ACTR3C: variants seen among roughly 807,000 people sequenced by gnomAD.
ACTR3C encodes the protein actin related protein 3C, also known as actin-related protein 3C.
A neutral mutation model predicts 26.3 loss-of-function variants in ACTR3C; 18 were observed. That is an observed-to-expected ratio of 0.68 (90% CI 0.47 to 1.01). The LOEUF (loss-of-function observed/expected upper bound fraction) is 1.01, where lower values mean the gene tolerates loss of function less well. Ranked by LOEUF, ACTR3C falls within the 50% of genes least tolerant of loss-of-function variation. The probability of loss-of-function intolerance (pLI) is 0.00; values close to 1 mark genes in which losing one functional copy is unlikely to be tolerated. For synonymous variants in ACTR3C, 55 were observed against 94.5 expected, an observed-to-expected ratio of 0.58 and a Z score of 2.42; for missense variants, 184 against 250.7, an observed-to-expected ratio of 0.73 and a Z score of 1.80.
the ACTR3C span, among the ~76,000 whole-genome samples, chr7:150,053,594 T>C: frequency 6.6e-6 from 1 of 152,228 alleles, no homozygotes; most frequent in Non-Finnish European, 1.5e-5. Flanking sequence ...TCTGGGGACA[T>C]TGGCATCAGC....
At chr7:150,158,825 T>G in the ACTR3C span, among the ~76,000 whole-genome samples, 6 of 146,912 alleles carry the variant, frequency 4.1e-5, no homozygotes, top group East Asian at 2.0e-4. Flanking sequence ...GGCACACACA[T>G]GCACACACAG....
the ACTR3C span, among the ~76,000 whole-genome samples, chr7:150,097,450 C>T: frequency 7.2e-5 from 11 of 151,748 alleles, no homozygotes; most frequent in South Asian, 2.1e-4. Flanking sequence ...TAGACTGCTT[C>T]GTAAGGAGTT....
the ACTR3C span, among the ~76,000 whole-genome samples, chr7:149,911,084 C>T: frequency 6.6e-6 from 1 of 152,134 alleles, no homozygotes; most frequent in African/African-American, 2.4e-5. Flanking sequence ...GTTCCACCTA[C>T]AAGGTAGAAT....
At chr7:149,996,109 G>A in the ACTR3C span, among the ~76,000 whole-genome samples, 1 of 152,232 alleles carries the variant, frequency 6.6e-6, no homozygotes, top group East Asian at 1.9e-4. Flanking sequence ...GGACCAGACA[G>A]AGAAAGATCA....
the ACTR3C span, among the ~76,000 whole-genome samples, chr7:150,044,469 C>G: frequency 6.6e-6 from 1 of 152,102 alleles, no homozygotes. Flanking sequence ...ATTTTGAAGT[C>G]AGACTTTGCA....
the ACTR3C span, among the ~76,000 whole-genome samples, chr7:149,904,814 T>A: frequency 1.3e-5 from 2 of 151,556 alleles, no homozygotes; most frequent in African/African-American, 4.8e-5. Context: ...GCCAACATGG[T>A]GAAACCCCAT....
chr7:150,179,705 G>A, the ACTR3C span, among the ~76,000 whole-genome samples: 1 of 151,588 alleles, frequency 6.6e-6, no homozygotes, highest in Non-Finnish European at 1.5e-5. Flanking sequence ...TGCCCAGACT[G>A]GTCTTCAATT....
chr7:150,029,488 G>C, the ACTR3C span, among the ~76,000 whole-genome samples: 1 of 151,422 alleles, frequency 6.6e-6, no homozygotes, highest in African/African-American at 2.4e-5. Context: ...GATCGCTTGA[G>C]CCCAGGAGTT....
At chr7:149,993,161 CCCAGTCCA>C in the ACTR3C span, among the ~76,000 whole-genome samples, 3 of 148,068 alleles carry the variant, frequency 2.0e-5, no homozygotes, top group African/African-American at 7.5e-5. Flanking sequence ...GTCTTCCTCT[CCCAGTCCA>C]CTGACTCAAA....
the ACTR3C span, among the ~76,000 whole-genome samples, chr7:150,081,390 C>T: frequency 1.3e-5 from 2 of 151,496 alleles, no homozygotes; most frequent in African/African-American, 2.4e-5. Context: ...TAAGGAGAGG[C>T]TGGCTTTAGA....
At chr7:150,130,781 C>T in the ACTR3C span, among the ~76,000 whole-genome samples, 13 of 152,252 alleles carry the variant, frequency 8.5e-5, no homozygotes, top group South Asian at 1.0e-3. Flanking sequence ...GTCCATATAA[C>T]GAAATTCTAC....
chr7:150,006,409 G>C, the ACTR3C span, among the ~76,000 whole-genome samples: 5 of 147,676 alleles, frequency 3.4e-5, no homozygotes, highest in African/African-American at 1.3e-4. Flanking sequence ...GTGTTAGCCA[G>C]GATGGTCTCG....
the ACTR3C span, among the ~76,000 whole-genome samples, chr7:149,922,059 C>T: frequency 2.1e-5 from 3 of 143,780 alleles, 1 homozygote; most frequent in Non-Finnish European, 4.6e-5. Flanking sequence ...GACTTGCTTG[C>T]TCAGTAACAA....
chr7:150,236,418 G>C, the ACTR3C span, among the ~76,000 whole-genome samples: 1 of 152,138 alleles, frequency 6.6e-6, no homozygotes, highest in African/African-American at 2.4e-5. Context: ...GGCAATTCTG[G>C]AATGCCCTGA....
chr7:150,034,274 A>C, the ACTR3C span, among the ~76,000 whole-genome samples: 6 of 151,630 alleles, frequency 4.0e-5, no homozygotes, highest in Non-Finnish European at 8.9e-5. Flanking sequence ...CTAGTTGTTT[A>C]GAGACGTAGG....
the ACTR3C span, among the ~76,000 whole-genome samples, chr7:150,020,254 A>G: frequency 6.6e-6 from 1 of 152,134 alleles, no homozygotes; most frequent in African/African-American, 2.4e-5. Context: ...AGTGTTTCCT[A>G]TATGCTTCAC....
chr7:150,205,924 G>C, the ACTR3C span, among the ~76,000 whole-genome samples: 5 of 152,094 alleles, frequency 3.3e-5, no homozygotes, highest in Admixed American at 6.6e-5. Context: ...TGGTGGTAAT[G>C]GGGAGTGAGA....
At chr7:149,920,088 T>C in the ACTR3C span, among the ~76,000 whole-genome samples, 4 of 152,150 alleles carry the variant, frequency 2.6e-5, no homozygotes, top group Admixed American at 2.6e-4. Flanking sequence ...ATTCAATTAT[T>C]GAAGCTGGTA....
At chr7:149,936,978 C>T in the ACTR3C span, among the ~76,000 whole-genome samples, 16 of 151,784 alleles carry the variant, frequency 1.1e-4, no homozygotes, top group Admixed American at 2.6e-4. Flanking sequence ...TTGGTAGAGA[C>T]GAGATCTCCC....
Sources: gnomAD v4.1 joint callset for allele counts (sites outside exome capture counted in the v4.1 genomes callset) on GRCh38, gnomAD v4.1.1 for gene constraint, MANE v1.5 for transcripts, NCBI Gene and HGNC (gene_info 2026-07-23, HGNC 2026-07-21) for gene names.